Variants in TESK2 observed in about 807,000 individuals in gnomAD.
TESK2 encodes the protein dual specificity testis-specific protein kinase 2.
TESK2 carries 39 observed loss-of-function variants against 57.1 expected under a neutral mutation model. The observed-to-expected ratio is 0.68, with a 90% CI of 0.53 to 0.89. The LOEUF is 0.89. TESK2 is among the 40% of genes least tolerant of loss of function. The pLI, the probability that TESK2 is intolerant of heterozygous loss-of-function variation, is 0.00. For missense variants in TESK2, 646 were observed against 732.1 expected (o/e 0.88, Z 1.36); for synonymous variants, 249 against 267.9 (o/e 0.93, Z 0.69).
intron 2 of TESK2, among the ~76,000 whole-genome samples, chr1:45,435,283 C>T (rs1369360079): frequency 3.3e-5 from 5 of 152,150 alleles, no homozygotes; most frequent in African/African-American, 1.2e-4. Context: ...CACGCCACCA[C>T]ACCCAGCTAA....
intron 1 of TESK2, among the ~76,000 whole-genome samples, chr1:45,459,539 C>T (rs1652251394): frequency 6.6e-6 from 1 of 152,188 alleles, no homozygotes; most frequent in African/African-American, 2.4e-5. Flanking sequence ...CTTACATCCA[C>T]AAGAACAAAA....
chr1:45,467,478 C>T (rs571332029), intron 1 of TESK2, among the ~76,000 whole-genome samples: 3 of 151,876 alleles, frequency 2.0e-5, no homozygotes, highest in Admixed American at 1.3e-4. Context: ...CCTAGAGGCA[C>T]GCGCCACCAC....
At chr1:45,347,891 A>G (rs376465638) in intron 6 of TESK2, 27 bp downstream of exon 6, 17 of 1,586,202 alleles carry the variant, frequency 1.1e-5, no homozygotes, top group Non-Finnish European at 1.4e-5. Flanking sequence ...TGTCCCTTGG[A>G]CCCCAGCATC....
intron 3 of TESK2, among the ~76,000 whole-genome samples, chr1:45,396,859 C>T (rs1649388931): frequency 7.7e-6 from 1 of 129,846 alleles, no homozygotes; most frequent in Non-Finnish European, 1.6e-5. Context: ...TGCTCTGTTG[C>T]CCAGGCTGGA....
chr1:45,479,382 A>C (rs1446360535), intron 1 of TESK2, among the ~76,000 whole-genome samples: 1 of 152,074 alleles, frequency 6.6e-6, no homozygotes, highest in Non-Finnish European at 1.5e-5. Context: ...GAAAACACTG[A>C]CCACAAGATC....
At chr1:45,469,897 G>A (rs953287635) in intron 1 of TESK2, among the ~76,000 whole-genome samples, 1 of 152,090 alleles carries the variant, frequency 6.6e-6, no homozygotes, top group African/African-American at 2.4e-5. Context: ...CAATAGTCCA[G>A]ACACAAATTT....
chr1:45,472,973 TAAAAAAAAAAAA>T (rs1023886539), intron 1 of TESK2, among the ~76,000 whole-genome samples: 7 of 100,846 alleles, frequency 6.9e-5, no homozygotes, highest in Non-Finnish European at 1.2e-4. Flanking sequence ...CTGTCTCTAC[TAAAAAAAAAAAA>T]AAAAAAAAAT....
At chr1:45,379,334 T>A (rs1648558534) in intron 4 of TESK2, among the ~76,000 whole-genome samples, 2 of 152,212 alleles carry the variant, frequency 1.3e-5, no homozygotes, top group African/African-American at 4.8e-5. Context: ...GGCTAATTTT[T>A]AAATTTTTTT....
intron 1 of TESK2, 125 bp from the exon 2 acceptor site, chr1:45,457,996 T>C (rs11211113): frequency 0.23 from 121,079 of 522,536 alleles, 15,255 homozygotes; most frequent in Non-Finnish European, 0.27. Context: ...CTAAAAAATG[T>C]TTTATGTCTT....
intron 3 of TESK2, among the ~76,000 whole-genome samples, chr1:45,390,400 G>A: frequency 6.6e-6 from 1 of 151,018 alleles, no homozygotes; most frequent in Non-Finnish European, 1.5e-5. Context: ...GGAGGCAGAA[G>A]TTGCAGTGAG....
chr1:45,396,088 TG>T (rs1649343885), intron 3 of TESK2, among the ~76,000 whole-genome samples: 1 of 152,050 alleles, frequency 6.6e-6, no homozygotes, highest in Non-Finnish European at 1.5e-5. Context: ...GATTCTTCAC[TG>T]GGTAAATTTA....
At chr1:45,435,349 A>G (rs1234927718) in intron 2 of TESK2, among the ~76,000 whole-genome samples, 1 of 151,836 alleles carries the variant, frequency 6.6e-6, no homozygotes, top group East Asian at 1.9e-4. Flanking sequence ...GGCTAGTTTC[A>G]AGCTCTTGAG....
chr1:45,459,236 G>A (rs1652238832), intron 1 of TESK2, among the ~76,000 whole-genome samples: 1 of 152,164 alleles, frequency 6.6e-6, no homozygotes. Context: ...TGCTGGCCAG[G>A]GGCATTTTCT....
At chr1:45,488,978 C>T (rs11211122) in intron 1 of TESK2, among the ~76,000 whole-genome samples, 61,291 of 151,808 alleles carry the variant, frequency 0.4, 13,090 homozygotes, top group East Asian at 0.58. Flanking sequence ...GCCTGGGCAA[C>T]GCAGAGAAAT....
chr1:45,403,862 C>T (rs1341365879), intron 3 of TESK2, among the ~76,000 whole-genome samples: 1 of 140,460 alleles, frequency 7.1e-6, no homozygotes, highest in African/African-American at 2.7e-5. Flanking sequence ...AATCACATTG[C>T]TCAAAACTGC....
intron 4 of TESK2, among the ~76,000 whole-genome samples, chr1:45,374,487 G>A (rs1648326062): frequency 6.6e-6 from 1 of 151,954 alleles, no homozygotes. Flanking sequence ...AGGATTGCAT[G>A]CTAATTAAAT....
At chr1:45,400,422 G>T (rs960468535) in intron 3 of TESK2, among the ~76,000 whole-genome samples, 1 of 152,096 alleles carries the variant, frequency 6.6e-6, no homozygotes, top group South Asian at 2.1e-4. Context: ...TAAAATAAAC[G>T]TGTGTTGTTT....
At chr1:45,451,634 A>G (rs969150044) in intron 2 of TESK2, among the ~76,000 whole-genome samples, 17 of 152,346 alleles carry the variant, frequency 1.1e-4, no homozygotes, top group African/African-American at 3.6e-4. Context: ...CACATGAACC[A>G]GAGATATCAC....
chr1:45,409,294 G>A (rs1196767169), intron 3 of TESK2, among the ~76,000 whole-genome samples: 1 of 152,140 alleles, frequency 6.6e-6, no homozygotes, highest in African/African-American at 2.4e-5. Context: ...CTTTGAAGAG[G>A]GGCTATCTCA....
Sources: allele counts gnomAD v4.1 joint callset (sites outside exome capture counted in the v4.1 genomes callset), GRCh38; gene constraint gnomAD v4.1.1; transcripts MANE v1.5; gene names NCBI Gene and HGNC (gene_info 2026-07-23, HGNC 2026-07-21).